CCDC28A: variants seen among roughly 807,000 people sequenced by gnomAD.
CCDC28A encodes coiled-coil domain containing 28A, also known as coiled-coil domain-containing protein 28A.
A neutral mutation model predicts 22.1 loss-of-function variants in CCDC28A; 24 were observed. That is an observed-to-expected ratio of 1.09 (90% CI 0.79 to 1.53). CCDC28A has a LOEUF of 1.53. Ranked by LOEUF, CCDC28A falls within the 40% of genes most tolerant of loss-of-function variation. The probability of loss-of-function intolerance (pLI) is 0.00; values close to 1 mark genes in which losing one functional copy is unlikely to be tolerated. For synonymous variants in CCDC28A, 83 were observed against 74.7 expected, an observed-to-expected ratio of 1.11 and a Z score of -0.57; for missense variants, 170 against 210.7, an observed-to-expected ratio of 0.81 and a Z score of 1.20.
chr6:138,785,194 T>C, intron 3 of CCDC28A, 33 bp from the exon 4 acceptor site: 4 of 1,563,288 alleles, frequency 2.6e-6, no homozygotes, highest in Non-Finnish European at 3.5e-6. Flanking sequence ...TGAACTGTCC[T>C]AATCATTATT....
At chr6:138,788,946 ATATAC>A (rs1378011694) in intron 5 of CCDC28A, among the ~76,000 whole-genome samples, 1 of 152,196 alleles carries the variant, frequency 6.6e-6, no homozygotes, top group Non-Finnish European at 1.5e-5. Context: ...TTCAGAGATA[ATATAC>A]TATACTTAAT....
At position 138,792,962 on chromosome 6, in the gene CCDC28A, A is replaced by C; in HGVS notation, c.*159A>C. ...TCACTTACTGCTTTTAGTAAATGTG[A>C]CTCGCTGTAATTCACCATAACTGGA... On this transcript the variant is annotated 3_prime_UTR_variant, in exon 6 of 6. Transcript: ENST00000617445. 1 of 610,016 alleles carries C rather than the reference A, an allele frequency of 1.6e-6. No homozygotes were observed. The highest frequency in any genetic ancestry group is 2.9e-6 in the Non-Finnish European group (1 of 341,502). The allele number at this position is 610,016 out of a possible 1,614,324, so 37.8% of individuals were successfully genotyped here. A position where few individuals can be genotyped will look rare whatever the true frequency, so the allele number is the denominator to read the frequency against.
rs531005519 is a variant in CCDC28A, at chr6:138,777,098, G to GA, written c.158+827dup. 2.9e-3 allele frequency among the ~76,000 whole-genome samples: 435 copies of GA among 152,048 alleles called. 3 individuals are homozygous for GA. Among genetic ancestry groups the GA allele is most frequent in the African/African-American group, 0.01 (420 of 41,492 alleles). On this transcript the variant is annotated intron_variant, in intron 2 of 5. Coordinates refer to ENST00000617445, the MANE Select transcript of CCDC28A (RefSeq NM_015439.3). Reference sequence around the variant, plus strand: ...GGAAGGGAAGATTATAGCTTTAGAGGAAAAAAAGTGTTGTATAATGTCAAT... The same window carrying GA: ...GGAAGGGAAGATTATAGCTTTAGAGGAAAAAAAAGTGTTGTATAATGTCAAT...
rs3070099 is a variant in CCDC28A at position 138,788,568 on chromosome 6, C to CTTTTTTTTTTTTTTTTTTTTT, written c.500+183_500+203dup. Reference sequence around the variant, plus strand: ...TTCTTTTCTTTCTCTTTTTTCTTTTCTTTTTTTTTTTTTTTTTTTTTTTCA... The same window carrying CTTTTTTTTTTTTTTTTTTTTT: ...TTCTTTTCTTTCTCTTTTTTCTTTTCTTTTTTTTTTTTTTTTTTTTTTTTTTTTTTTTTTTTTTTTTTTTCA... On this transcript the variant is annotated intron_variant, in intron 5 of 5. Coordinates refer to ENST00000617445, the MANE Select transcript of CCDC28A (RefSeq NM_015439.3). Among the ~76,000 whole-genome samples, 12 of 92,976 alleles carry CTTTTTTTTTTTTTTTTTTTTT rather than the reference C, an allele frequency of 1.3e-4. 2 individuals are homozygous for CTTTTTTTTTTTTTTTTTTTTT. Among genetic ancestry groups the CTTTTTTTTTTTTTTTTTTTTT allele is most frequent in the South Asian group, 5.6e-4 (2 of 3,560 alleles). 61.0% of individuals were successfully genotyped at this position (92,976 alleles called of 152,430 possible). A position where few individuals can be genotyped will look rare whatever the true frequency, so the allele number is the denominator to read the frequency against.
chr6:138,785,956 A>G (rs767884989), intron 4 of CCDC28A, among the ~76,000 whole-genome samples: 10 of 152,192 alleles, frequency 6.6e-5, no homozygotes, highest in African/African-American at 1.2e-4. Flanking sequence ...GACATTTGCT[A>G]TTTCTGCTAA....
intron 3 of CCDC28A, among the ~76,000 whole-genome samples, chr6:138,780,607 CT>C (rs1400978374): frequency 1.4e-5 from 2 of 139,064 alleles, no homozygotes; most frequent in African/African-American, 5.6e-5. Context: ...CAGAGTCTGG[CT>C]CTGTCGCCCA....
chr6:138,781,914 AG>A (rs2114904627), intron 3 of CCDC28A, among the ~76,000 whole-genome samples: 1 of 152,312 alleles, frequency 6.6e-6, no homozygotes, highest in East Asian at 1.9e-4. Context: ...TTCTTTCAAT[AG>A]TTGCTGGGTT....
rs761106319 is a variant in CCDC28A at position 138,776,204 on chromosome 6, C to T, written c.84C>T (p.Ala28=). 5 of 1,613,954 alleles carry T rather than the reference C, an allele frequency of 3.1e-6. No homozygotes were observed. The highest frequency in any genetic ancestry group is 3.4e-6 in the Non-Finnish European group (4 of 1,179,964). The change falls in exon 2 of 6, where the codon GCC becomes GCT. Residue 28 remains alanine (A), a synonymous_variant. Coordinates refer to ENST00000617445, the MANE Select transcript of CCDC28A (RefSeq NM_015439.3). Reference sequence around the variant, plus strand: ...AGGTTGTCAATGCCAAAAAAAATGCCATTCCAGTGAGTAAAAGCACAGGGT... The same window carrying T: ...AGGTTGTCAATGCCAAAAAAAATGCTATTCCAGTGAGTAAAAGCACAGGGT... ...CTQVVNAKKN[A]IPVSKSTGFS... is the part of the protein sequence containing the mutation.
rs147173471 is a variant in CCDC28A at position 138,785,382 on chromosome 6, G to C, written c.477+1G>C. On this transcript the variant is annotated splice_donor_variant, in intron 4 of 5. Transcript: ENST00000617445. LOFTEE classifies it high-confidence loss of function. Reference sequence around the variant, plus strand: ...CAATCTGGATAGGCTTCTGTCAGATGTAAGTGTAATTCTTTTTCTTTGTTC... The same window carrying C: ...CAATCTGGATAGGCTTCTGTCAGATCTAAGTGTAATTCTTTTTCTTTGTTC... The C allele has an allele frequency of 6.3e-7, 1 of 1,590,978 alleles. No individual in the cohort carries two copies. The highest frequency in any genetic ancestry group is 1.4e-5 in the African/African-American group (1 of 73,524).
At chr6:138,783,635 T>C (rs1291104529) in intron 3 of CCDC28A, among the ~76,000 whole-genome samples, 1 of 151,654 alleles carries the variant, frequency 6.6e-6, no homozygotes, top group Non-Finnish European at 1.5e-5. Flanking sequence ...AGACGGGGTT[T>C]CACCATGTTA....
At position 138,773,889 on chromosome 6, in the gene CCDC28A, C is replaced by A; in HGVS notation, c.-56C>A. 6.2e-7 allele frequency: 1 copy of A among 1,613,400 alleles called. No homozygotes were observed. The highest frequency in any genetic ancestry group is 8.5e-7 in the Non-Finnish European group (1 of 1,180,026). ...CGGGTTGCGGAAGGGGGCCCCAATA[C>A]CCTTCTTCTTCAGGTATGTAGTGGA... is the stretch of plus-strand genomic sequence containing the variant. On this transcript the variant is annotated 5_prime_UTR_variant, in exon 1 of 6. Transcript: ENST00000617445.
intron 5 of CCDC28A, among the ~76,000 whole-genome samples, chr6:138,791,886 C>T (rs1775175726): frequency 6.6e-6 from 1 of 152,182 alleles, no homozygotes; most frequent in African/African-American, 2.4e-5. Flanking sequence ...ACATGTACTG[C>T]AAGCATTTAG....
rs1409852241 is a variant in CCDC28A at position 138,776,136 on chromosome 6, G to A, written c.16G>A (p.Val6Met). 3 of 1,614,046 alleles carry A rather than the reference G, an allele frequency of 1.9e-6. No homozygotes were observed. The highest frequency in any genetic ancestry group is 3.3e-5 in the Admixed American group (2 of 60,000). MEERK[V>M]KRRSPKSFSA... ...ACTTAAAACAATGGAAGAGCGGAAA[G>A]TGAAGAGGAGGAGTCCTAAGTCTTT... Residue 6 changes from valine (V) to methionine (M), a missense_variant, in exon 2 of 6, where the codon GTG becomes ATG. Val to Met is a conservative substitution (Grantham distance 21). Transcript: ENST00000617445.
chr6:138,783,095 T>G (rs1024034756), intron 3 of CCDC28A, among the ~76,000 whole-genome samples: 2 of 152,212 alleles, frequency 1.3e-5, no homozygotes, highest in Non-Finnish European at 2.9e-5. Flanking sequence ...GTAAGACCTA[T>G]TCTTTAGCAA....
rs1156793843 is a variant in CCDC28A, at chr6:138,779,989, A to G, written c.322+4A>G. The G allele has an allele frequency of 1.2e-6, 2 of 1,606,714 alleles. No homozygotes were observed. The highest frequency in any genetic ancestry group is 3.4e-5 in the Admixed American group (2 of 58,828). ...TCTGGAAAACTTCAAGCATTTGGTA[A>G]GCAATAGATGTTTCTGTATTATTTT... is the stretch of plus-strand genomic sequence containing the variant. On this transcript the variant is annotated splice_donor_region_variant and intron_variant, in intron 3 of 5. Transcript: ENST00000617445.
In CCDC28A at chr6:138,785,364, G is replaced by T. The variant is rs927377712; in HGVS notation, c.460G>T (p.Asp154Tyr). 1 of 1,612,374 alleles carries T rather than the reference G, an allele frequency of 6.2e-7. No individual in the cohort carries two copies. Among genetic ancestry groups the T allele is most frequent in the African/African-American group, 1.3e-5 (1 of 74,830 alleles). ...AAAAACAGCCAGTGACTCCAATCTG[G>T]ATAGGCTTCTGTCAGATGTAAGTGT... The part of the protein sequence containing the change: ...KRKTASDSNL[D>Y]RLLSDLEELN... Residue 154 changes from aspartate to tyrosine, a missense_variant, in exon 4 of 6, where the codon GAT becomes TAT. Coordinates refer to ENST00000617445, the MANE Select transcript of CCDC28A (RefSeq NM_015439.3).
chr6:138,781,824 GT>G (rs1775026084), intron 3 of CCDC28A, among the ~76,000 whole-genome samples: 1 of 152,056 alleles, frequency 6.6e-6, no homozygotes, highest in South Asian at 2.1e-4. Context: ...CAAATTTGTT[GT>G]GTCTGTGCAC....
At chr6:138,779,442 G>A (rs572202608) in intron 2 of CCDC28A, among the ~76,000 whole-genome samples, 208 of 152,292 alleles carry the variant, frequency 1.4e-3, no homozygotes, top group African/African-American at 4.7e-3. Flanking sequence ...AAAACCATAT[G>A]TAGAACTACT....
At position 138,773,877 on chromosome 6, in the gene CCDC28A, G is replaced by A; in HGVS notation, c.-68G>A. The A allele has an allele frequency of 6.2e-7, 1 of 1,613,828 alleles. No individual in the cohort carries two copies. The highest frequency in any genetic ancestry group is 8.5e-7 in the Non-Finnish European group (1 of 1,180,016). On this transcript the variant is annotated 5_prime_UTR_variant, in exon 1 of 6. Transcript: ENST00000617445. ...GTCGGGTCTTTGCGGGTTGCGGAAGGGGGCCCCAATACCCTTCTTCTTCAG... is the reference window on the plus strand; with the variant it reads ...GTCGGGTCTTTGCGGGTTGCGGAAGAGGGCCCCAATACCCTTCTTCTTCAG...
Sources: gnomAD v4.1 joint callset for allele counts (sites outside exome capture counted in the v4.1 genomes callset) on GRCh38, gnomAD v4.1.1 for gene constraint, MANE v1.5 for transcripts, NCBI Gene and HGNC (gene_info 2026-07-23, HGNC 2026-07-21) for gene names.